HMGXB3: variants seen among roughly 807,000 people sequenced by gnomAD.
The protein encoded by HMGXB3 is HMG domain-containing protein 3.
Under a neutral mutation model 121.5 loss-of-function variants are expected in HMGXB3, and 45 were observed. The observed-to-expected ratio is 0.37, with a 90% CI of 0.29 to 0.47. The LOEUF (loss-of-function observed/expected upper bound fraction) is 0.47. HMGXB3 is among the 20% of genes least tolerant of loss of function. The probability of loss-of-function intolerance (pLI) is 0.99; values close to 1 mark genes in which losing one functional copy is unlikely to be tolerated. For synonymous variants in HMGXB3, 590 were observed against 624.1 expected, an observed-to-expected ratio of 0.95 and a Z score of 0.81; for missense variants, 1,376 against 1,602.2, an observed-to-expected ratio of 0.86 and a Z score of 2.41.
chr5:150,052,301 C>A lies in HMGXB3; in HGVS notation c.*109C>A, dbSNP rs773116625. 2.7e-5 allele frequency: 23 copies of A among 866,574 alleles called. No individual in the cohort carries two copies. Among genetic ancestry groups the A allele is most frequent in the Non-Finnish European group, 4.0e-5 (23 of 570,792 alleles). The allele number at this position is 866,574 out of a possible 1,614,324, so 53.7% of individuals were successfully genotyped here. On this transcript the variant is annotated 3_prime_UTR_variant, in exon 20 of 20. Transcript: ENST00000502717. ...AGAAGTGGTCTCCTGTGGGGAGGGC[C>A]TCTGACTGCTGGGACTGACCAAAGA... is the stretch of plus-strand genomic sequence containing the variant.
chr5:150,042,062 C>A (rs1756645936), intron 15 of HMGXB3, 93 bp downstream of exon 15: 1 of 1,027,412 alleles, frequency 9.7e-7, no homozygotes. Context: ...GTGGATAGCT[C>A]CAGTCCTGTC....
rs140569754 is a variant in HMGXB3, at chr5:150,014,559, C to G, written c.909+2206C>G. ...TTCAACTTACTGCCCCCAGCTACAT[C>G]TAAAGCACGAATGTGGAAAGCAAGT... On this transcript the variant is annotated intron_variant, in intron 5 of 19. Transcript: ENST00000502717. 6.0e-4 allele frequency among the ~76,000 whole-genome samples: 92 copies of G among 152,302 alleles called. No individual in the cohort carries two copies. In the South Asian group the frequency reaches 0.012, roughly 20 times the overall value.
chr5:150,047,848 G>A, intron 17 of HMGXB3, 91 bp downstream of exon 17: 1 of 1,415,124 alleles, frequency 7.1e-7, no homozygotes. Context: ...ATCTGTGATG[G>A]CATCTGCCTT....
At chr5:150,026,930 G>A in intron 8 of HMGXB3, 49 bp downstream of exon 8, 1 of 1,519,762 alleles carries the variant, frequency 6.6e-7, no homozygotes, top group Non-Finnish European at 8.9e-7. Flanking sequence ...GACAGGAAAG[G>A]GACAGGAGTG....
chr5:150,023,408 A>AGC (rs1756148100), intron 6 of HMGXB3, among the ~76,000 whole-genome samples: 1 of 152,144 alleles, frequency 6.6e-6, no homozygotes, highest in South Asian at 2.1e-4. Context: ...CACATAACTA[A>AGC]TTAGGAGTGG....
In HMGXB3 at chr5:150,050,235, C is replaced by A. The variant is rs141993103; in HGVS notation, c.3202-17C>A. 1.3e-6 allele frequency: 2 copies of A among 1,549,528 alleles called. No individual in the cohort carries two copies. Among genetic ancestry groups the A allele is most frequent in the African/African-American group, 1.4e-5 (1 of 73,122 alleles). On this transcript the variant is annotated splice_polypyrimidine_tract_variant and intron_variant, in intron 18 of 19. Coordinates refer to ENST00000502717, the MANE Select transcript of HMGXB3 (RefSeq NM_014983.3). Reference sequence around the variant, plus strand: ...GCTTCCTAATTAACCCTGCGCCCCCCACCCTTCATCTCCCAGGTGGTCTGC... The same window carrying A: ...GCTTCCTAATTAACCCTGCGCCCCCAACCCTTCATCTCCCAGGTGGTCTGC...
At chr5:150,048,467 T>C (rs1169890450) in intron 17 of HMGXB3, 102 bp from the exon 18 acceptor site, 1 of 823,646 alleles carries the variant, frequency 1.2e-6, no homozygotes, top group Admixed American at 2.2e-5. Flanking sequence ...CCAGGCAGTT[T>C]ATTCTTTTGC....
chr5:150,051,922 C>G lies in HMGXB3; in HGVS notation c.3609C>G (p.Ile1203Met). 1 of 1,552,204 alleles carries G rather than the reference C, an allele frequency of 6.4e-7. No individual in the cohort carries two copies. The highest frequency in any genetic ancestry group is 8.7e-7 in the Non-Finnish European group (1 of 1,147,136). The part of the protein sequence containing the change: ...LCPELAPYAT[I>M]LASIVDSKPN... ...CTGAATTGGCACCTTACGCAACCAT[C>G]CTGGCCTCCATCGTGGACAGCAAAC... Residue 1203 changes from isoleucine (I) to methionine (M), a missense_variant, in exon 20 of 20, where the codon ATC (isoleucine) becomes ATG (methionine). Ile to Met is a conservative substitution (Grantham distance 10). Around this residue, in one of 2 missense-constraint regions of HMGXB3, gnomAD observed 260 missense variants for 233.2 expected, o/e 1.11. Coordinates refer to ENST00000502717, the MANE Select transcript of HMGXB3 (RefSeq NM_014983.3).
chr5:150,040,554 T>C (rs1159303645), intron 13 of HMGXB3, among the ~76,000 whole-genome samples, 194 bp from the exon 14 acceptor site: 1 of 151,760 alleles, frequency 6.6e-6, no homozygotes. Flanking sequence ...CCTGTTTTGT[T>C]TTTTTGAGAT....
rs539318115 is a variant in HMGXB3 at position 150,021,344 on chromosome 5, G to A, written c.1041+2647G>A. ...AAGGAAAAATAGATTTTGAAAAAGC[G>A]ACTTACTAAATTCACACAGCCAATT... On this transcript the variant is annotated intron_variant, in intron 6 of 19. Coordinates refer to ENST00000502717, the MANE Select transcript of HMGXB3 (RefSeq NM_014983.3). 1.3e-3 allele frequency among the ~76,000 whole-genome samples: 192 copies of A among 152,250 alleles called. 2 individuals carry two copies. The highest frequency in any genetic ancestry group is 4.1e-3 in the African/African-American group (169 of 41,540).
chr5:150,030,837 T>C lies in HMGXB3; in HGVS notation c.1831T>C (p.Leu611=), dbSNP rs1480552514. 1.9e-6 allele frequency: 3 copies of C among 1,549,552 alleles called. No homozygotes were observed. The Admixed American group carries it at 5.9e-5, about 30-fold the overall frequency. ...ATATAAGTACAGCTGCACTGTCACATTGGTAAGTATGCAGCTAGGTGGTGG... is the reference window on the plus strand; with the variant it reads ...ATATAAGTACAGCTGCACTGTCACACTGGTAAGTATGCAGCTAGGTGGTGG... ...PPYKYSCTVT[L]DLGLATSRGR... is the part of the protein sequence containing the mutation. Residue 611 remains leucine, a splice_region_variant and synonymous_variant, in exon 10 of 20, where the codon TTG becomes CTG. Transcript: ENST00000502717.
At chr5:150,035,095 G>A (rs1756471416) in intron 11 of HMGXB3, among the ~76,000 whole-genome samples, 3 of 152,186 alleles carry the variant, frequency 2.0e-5, no homozygotes, top group Admixed American at 2.0e-4. Context: ...AATGAAAGTT[G>A]TCATAGGTAT....
chr5:150,030,862 G>A, intron 10 of HMGXB3, 23 bp downstream of exon 10: 1 of 1,522,848 alleles, frequency 6.6e-7, no homozygotes, highest in Non-Finnish European at 8.9e-7. Flanking sequence ...CTAGGTGGTG[G>A]TGGGTTGACA....
At chr5:150,044,855 A>T (rs571807817) in intron 15 of HMGXB3, among the ~76,000 whole-genome samples, 1 of 152,222 alleles carries the variant, frequency 6.6e-6, no homozygotes, top group Non-Finnish European at 1.5e-5. Flanking sequence ...TGAGTAGCAC[A>T]AGCGCTATTA....
In HMGXB3 at chr5:150,004,006, A is replaced by G. The variant is rs992606028; in HGVS notation, c.-2-845A>G. Among the ~76,000 whole-genome samples, 3 of 149,862 alleles carry G rather than the reference A, an allele frequency of 2.0e-5. No homozygotes were observed. The East Asian group carries it at 5.9e-4, about 29-fold the overall frequency. On this transcript the variant is annotated intron_variant, in intron 1 of 19. Coordinates refer to ENST00000502717, the MANE Select transcript of HMGXB3 (RefSeq NM_014983.3). ...CTTTTCATTTGCATAGCACTTGACTATTTTCTTTTTTTTTTTTTAATTAAA... is the reference window on the plus strand; with the variant it reads ...CTTTTCATTTGCATAGCACTTGACTGTTTTCTTTTTTTTTTTTTAATTAAA...
intron 4 of HMGXB3, among the ~76,000 whole-genome samples, chr5:150,011,376 A>T (rs1755832808): frequency 6.6e-6 from 1 of 152,158 alleles, no homozygotes; most frequent in Non-Finnish European, 1.5e-5. Context: ...AGTATAATAT[A>T]TAACCTGTCC....
intron 7 of HMGXB3, among the ~76,000 whole-genome samples, chr5:150,025,382 G>A (rs936243386): frequency 4.6e-5 from 7 of 152,182 alleles, no homozygotes; most frequent in East Asian, 1.9e-4. Flanking sequence ...AATTGTGCCC[G>A]CAATGAACAC....
intron 10 of HMGXB3, among the ~76,000 whole-genome samples, 194 bp from the exon 11 acceptor site, chr5:150,032,260 C>T (rs187601344): frequency 0.012 from 1,765 of 152,262 alleles, 17 homozygotes; most frequent in Non-Finnish European, 0.019. Flanking sequence ...CTGGATTTGC[C>T]AAAAATTTAC....
At chr5:150,007,944 C>G (rs1250226516) in intron 3 of HMGXB3, among the ~76,000 whole-genome samples, 1 of 151,904 alleles carries the variant, frequency 6.6e-6, no homozygotes, top group African/African-American at 2.4e-5. Flanking sequence ...GTAGTCCCAG[C>G]CACTCAGGAA....
Sources: allele counts gnomAD v4.1 joint callset (sites outside exome capture counted in the v4.1 genomes callset), GRCh38; gene constraint gnomAD v4.1.1; regional missense constraint gnomAD v4.1.1; transcripts MANE v1.5; gene names NCBI Gene and HGNC (gene_info 2026-07-23, HGNC 2026-07-21).